PDGFD: variants seen among roughly 807,000 people sequenced by gnomAD.
PDGFD encodes platelet-derived growth factor D.
Under a neutral mutation model 44.7 loss-of-function variants are expected in PDGFD, and 30 were observed. That is an observed-to-expected ratio of 0.67 (90% CI 0.50 to 0.91). PDGFD has a LOEUF of 0.91. Among genes scored for constraint, PDGFD ranks in the 40% least tolerant of loss-of-function variants. PDGFD has a pLI of 0.00. For missense variants in PDGFD, 445 were observed against 457.8 expected (o/e 0.97, Z 0.25); for synonymous variants, 173 against 168.4 (o/e 1.03, Z -0.21).
At chr11:104,047,891 T>A (rs548291555) in intron 1 of PDGFD, among the ~76,000 whole-genome samples, 1 of 152,220 alleles carries the variant, frequency 6.6e-6, no homozygotes, top group South Asian at 2.1e-4. Context: ...CTGGTCATAT[T>A]AAATGCATTA....
At chr11:103,968,004 T>G (rs1409736791) in intron 3 of PDGFD, among the ~76,000 whole-genome samples, 1 of 152,182 alleles carries the variant, frequency 6.6e-6, no homozygotes, top group Non-Finnish European at 1.5e-5. Context: ...CTCTTACTAA[T>G]ATTTGTAATA....
chr11:103,980,152 A>G (rs1475848501), intron 3 of PDGFD, among the ~76,000 whole-genome samples: 1 of 152,132 alleles, frequency 6.6e-6, no homozygotes, highest in Non-Finnish European at 1.5e-5. Flanking sequence ...AGATTAAAAT[A>G]GTAGGGGTTT....
At chr11:104,161,986 T>A (rs1171073953) in intron 1 of PDGFD, among the ~76,000 whole-genome samples, 1 of 151,074 alleles carries the variant, frequency 6.6e-6, no homozygotes, top group Non-Finnish European at 1.5e-5. Context: ...TGTGTACTGT[T>A]AAAGTAACTG....
chr11:103,935,151 T>A (rs146024716), intron 5 of PDGFD, among the ~76,000 whole-genome samples: 2 of 152,280 alleles, frequency 1.3e-5, no homozygotes, highest in Admixed American at 6.5e-5. Context: ...ATTTTTCCTA[T>A]TGATTTGCAT....
chr11:104,056,420 T>C (rs1860617590), intron 1 of PDGFD, among the ~76,000 whole-genome samples: 1 of 152,062 alleles, frequency 6.6e-6, no homozygotes, highest in Non-Finnish European at 1.5e-5. Flanking sequence ...TTTTAAATCT[T>C]AGGATGAGAT....
Position 103,909,442 on chromosome 11 carries a change from G to A in PDGFD, c.*252C>T, listed in dbSNP as rs1857993147. ...CACATAGACATGAATATATTTCTGTGTGTGTTTGTGCATATATAACCTCAA... is the reference window on the plus strand; with the variant it reads ...CACATAGACATGAATATATTTCTGTATGTGTTTGTGCATATATAACCTCAA... On this transcript the variant is annotated 3_prime_UTR_variant, in exon 7 of 7. Transcript: ENST00000393158. 4.7e-6 allele frequency: 2 copies of A among 426,814 alleles called. No homozygotes were observed. 26.4% of individuals were successfully genotyped at this position (426,814 alleles called of 1,614,324 possible). A position where few individuals can be genotyped will look rare whatever the true frequency, so the allele number is the denominator to read the frequency against.
chr11:104,038,115 C>A (rs1860285053), intron 1 of PDGFD: 3 of 1,213,866 alleles, frequency 2.5e-6, no homozygotes, highest in Non-Finnish European at 3.4e-6. Context: ...ACATCAGTAA[C>A]AACTAAACCT....
At chr11:104,118,781 A>G (rs111504854) in intron 1 of PDGFD, among the ~76,000 whole-genome samples, 6,255 of 78,576 alleles carry the variant, frequency 0.08, 20 homozygotes, top group East Asian at 0.12. Context: ...AATATATAAT[A>G]TATTATATAT....
At chr11:104,143,261 G>A (rs1408911375) in intron 1 of PDGFD, among the ~76,000 whole-genome samples, 1 of 152,098 alleles carries the variant, frequency 6.6e-6, no homozygotes, top group Non-Finnish European at 1.5e-5. Context: ...TGTCTGCTGG[G>A]CCTGCTTTAG....
chr11:104,046,843 C>A, intron 1 of PDGFD, among the ~76,000 whole-genome samples: 1 of 146,532 alleles, frequency 6.8e-6, no homozygotes, highest in Non-Finnish European at 1.5e-5. Flanking sequence ...CTGCACCCAT[C>A]AACCTGTCAT....
At chr11:104,105,665 T>A (rs1160376661) in intron 1 of PDGFD, among the ~76,000 whole-genome samples, 1 of 151,976 alleles carries the variant, frequency 6.6e-6, no homozygotes, top group African/African-American at 2.4e-5. Context: ...AGGTGATGGC[T>A]CATATAATTC....
chr11:104,131,505 C>T (rs1049629397), intron 1 of PDGFD, among the ~76,000 whole-genome samples: 5 of 151,136 alleles, frequency 3.3e-5, no homozygotes, highest in African/African-American at 9.8e-5. Context: ...TCCTCCATCA[C>T]TAAAATAGAA....
intron 1 of PDGFD, among the ~76,000 whole-genome samples, chr11:104,042,655 G>GT (rs1355996794): frequency 2.0e-5 from 3 of 152,136 alleles, no homozygotes; most frequent in Non-Finnish European, 4.4e-5. Flanking sequence ...TCACGCAGGG[G>GT]TATTTTTTAT....
intron 1 of PDGFD, among the ~76,000 whole-genome samples, chr11:104,071,262 A>G (rs1860871681): frequency 6.6e-6 from 1 of 151,800 alleles, no homozygotes; most frequent in Admixed American, 6.6e-5. Flanking sequence ...TTTAACTTAA[A>G]TTTTTCTTTT....
At chr11:103,953,122 T>C (rs1858782779) in intron 3 of PDGFD, among the ~76,000 whole-genome samples, 1 of 150,856 alleles carries the variant, frequency 6.6e-6, no homozygotes, top group Non-Finnish European at 1.5e-5. Flanking sequence ...TAAAAATCGA[T>C]ACACCTTATA....
chr11:104,102,586 T>C lies in PDGFD; in HGVS notation c.124+61218A>G, dbSNP rs899655195. Among the ~76,000 whole-genome samples, 28 of 152,076 alleles carry C rather than the reference T, an allele frequency of 1.8e-4. 1 individual carries two copies. The highest frequency in any genetic ancestry group is 1.0e-4 in the Non-Finnish European group (7 of 67,988). ...AGCCATTCCATTACTGGATATATAC[T>C]CAAAGGATTATAAATCATGCTGCTA... On this transcript the variant is annotated intron_variant, in intron 1 of 6. Coordinates refer to ENST00000393158, the MANE Select transcript of PDGFD (RefSeq NM_025208.5).
rs181317875 is a variant in PDGFD, at chr11:104,008,016, C to A, written c.125-7761G>T. ...AGCAACAGAGAGAAGTGATTTGTTG[C>A]AAGCCCAAAGAATGGAAGCTTTCCA... On this transcript the variant is annotated intron_variant, in intron 1 of 6. Coordinates refer to ENST00000393158, the MANE Select transcript of PDGFD (RefSeq NM_025208.5). Among the ~76,000 whole-genome samples, 850 of 152,270 alleles carry A rather than the reference C, an allele frequency of 5.6e-3. 5 individuals carry two copies. The highest frequency in any genetic ancestry group is 9.4e-3 in the Non-Finnish European group (640 of 68,010).
At chr11:104,136,313 C>T (rs1476995736) in intron 1 of PDGFD, among the ~76,000 whole-genome samples, 2 of 152,336 alleles carry the variant, frequency 1.3e-5, no homozygotes, top group African/African-American at 4.8e-5. Context: ...ATCACATTCA[C>T]AGGCTTCCAG....
At position 103,973,506 on chromosome 11, in the gene PDGFD, C is replaced by T. The variant is rs896625207; in HGVS notation, c.510+22559G>A. Among the ~76,000 whole-genome samples, 5 of 152,124 alleles carry T rather than the reference C, an allele frequency of 3.3e-5. No individual in the cohort carries two copies. In the South Asian group the frequency reaches 1.0e-3, roughly 32 times the overall value. The stretch of plus-strand genomic sequence containing the variant: ...GGTAATGCTTGGAGTTTGGAAGGAT[C>T]AGAAGTAGTTGATAATCCTGCACAC... On this transcript the variant is annotated intron_variant, in intron 3 of 6. Coordinates refer to ENST00000393158, the MANE Select transcript of PDGFD (RefSeq NM_025208.5).
Sources: allele counts gnomAD v4.1 joint callset (sites outside exome capture counted in the v4.1 genomes callset), GRCh38; gene constraint gnomAD v4.1.1; transcripts MANE v1.5; gene names NCBI Gene and HGNC (gene_info 2026-07-23, HGNC 2026-07-21).